Variants in DOK5 observed in about 807,000 individuals in gnomAD.
DOK5 encodes the protein downstream of tyrosine kinase 5.
A neutral mutation model predicts 43.3 loss-of-function variants in DOK5; 27 were observed. That is an observed-to-expected ratio of 0.62 (90% CI 0.46 to 0.86). The LOEUF (loss-of-function observed/expected upper bound fraction) is 0.86, where lower values mean the gene tolerates loss of function less well. Among genes scored for constraint, DOK5 ranks in the 40% least tolerant of loss-of-function variants. The pLI is 0.00. For synonymous variants in DOK5, 146 were observed against 140.1 expected (o/e 1.04, Z -0.30); for missense variants, 373 against 392.9 (o/e 0.95, Z 0.43).
chr20:54,487,736 A>G (rs1981995547), intron 1 of DOK5, among the ~76,000 whole-genome samples: 1 of 152,172 alleles, frequency 6.6e-6, no homozygotes, highest in African/African-American at 2.4e-5. Flanking sequence ...CTCTTACAAG[A>G]CTTTCCTCTG....
intron 1 of DOK5, among the ~76,000 whole-genome samples, chr20:54,523,211 C>A (rs983727505): frequency 6.6e-6 from 1 of 152,124 alleles, no homozygotes; most frequent in Non-Finnish European, 1.5e-5. Flanking sequence ...TCAAACTTGG[C>A]CTCTTTGAGG....
chr20:54,585,305 C>CG (rs1166191426), intron 2 of DOK5, among the ~76,000 whole-genome samples: 1 of 152,048 alleles, frequency 6.6e-6, no homozygotes, highest in Non-Finnish European at 1.5e-5. Context: ...TTCTCCTGAG[C>CG]GGGGGTGTTC....
intron 7 of DOK5, among the ~76,000 whole-genome samples, chr20:54,644,866 C>T (rs1439743402): frequency 2.8e-5 from 3 of 105,670 alleles, no homozygotes; most frequent in Admixed American, 9.4e-5. Flanking sequence ...AAAACTCCAT[C>T]TCAAAAAAAA....
intron 5 of DOK5, 100 bp downstream of exon 5, chr20:54,591,905 G>A (rs1600722281): frequency 2.0e-6 from 2 of 1,022,620 alleles, no homozygotes; most frequent in Non-Finnish European, 2.8e-6. Flanking sequence ...TTACATATGA[G>A]ATCCAGCTGA....
At chr20:54,556,527 T>C (rs1450305838) in intron 2 of DOK5, among the ~76,000 whole-genome samples, 2 of 152,234 alleles carry the variant, frequency 1.3e-5, no homozygotes, top group African/African-American at 4.8e-5. Context: ...ACCAGATGTA[T>C]TATGGCCCAG....
intron 1 of DOK5, among the ~76,000 whole-genome samples, chr20:54,512,803 C>T (rs958444693): frequency 1.2e-4 from 19 of 152,072 alleles, no homozygotes; most frequent in South Asian, 4.1e-4. Flanking sequence ...CACCAGAGCA[C>T]GTGGCAGCTG....
At chr20:54,504,619 G>A (rs558045797) in intron 1 of DOK5, among the ~76,000 whole-genome samples, 102 of 152,328 alleles carry the variant, frequency 6.7e-4, no homozygotes, top group South Asian at 2.7e-3. Context: ...ATACAGGGGT[G>A]ATTGGAGATG....
chr20:54,571,684 C>A (rs1188097420), intron 2 of DOK5, among the ~76,000 whole-genome samples: 1 of 152,196 alleles, frequency 6.6e-6, no homozygotes, highest in Admixed American at 6.5e-5. Flanking sequence ...CCTGTGGAAT[C>A]ATCTTTCTAG....
chr20:54,483,411 C>T (rs1380530306), intron 1 of DOK5, among the ~76,000 whole-genome samples: 1 of 152,110 alleles, frequency 6.6e-6, no homozygotes, highest in Non-Finnish European at 1.5e-5. Flanking sequence ...GTGTTAACCA[C>T]CTTAAATAAG....
chr20:54,570,630 T>C (rs1476679612), intron 2 of DOK5, among the ~76,000 whole-genome samples: 2 of 152,118 alleles, frequency 1.3e-5, no homozygotes, highest in Non-Finnish European at 2.9e-5. Context: ...AAGGGAAAAA[T>C]TGGAAATCTG....
At chr20:54,506,643 G>C (rs945669922) in intron 1 of DOK5, among the ~76,000 whole-genome samples, 7 of 152,098 alleles carry the variant, frequency 4.6e-5, no homozygotes, top group Admixed American at 4.6e-4. Flanking sequence ...CAAACTTCTT[G>C]TAGAGGCGGA....
At position 54,647,509 on chromosome 20, in the gene DOK5, TA is replaced by T. The variant is rs747478559; in HGVS notation, c.857-2892del. 7.5e-4 allele frequency among the ~76,000 whole-genome samples: 96 copies of T among 127,688 alleles called. 1 individual carries two copies. Among genetic ancestry groups the T allele is most frequent in the South Asian group, 3.7e-3 (14 of 3,810 alleles). The allele number at this position is 127,688 out of a possible 152,430, so 83.8% of individuals were successfully genotyped here. On this transcript the variant is annotated intron_variant, in intron 7 of 7. Transcript: ENST00000262593. ...AACAAGAGTGAAACTCTGTCTCAGT[TA>T]AAAAAAAAAAAAACAAAAAAACTAT...
chr20:54,549,726 T>C (rs1307031967), intron 1 of DOK5, among the ~76,000 whole-genome samples: 5 of 152,158 alleles, frequency 3.3e-5, no homozygotes, highest in Non-Finnish European at 7.3e-5. Context: ...GTCTGAAAAC[T>C]GAGGGATAGT....
At chr20:54,635,279 C>T (rs865797120) in intron 6 of DOK5, among the ~76,000 whole-genome samples, 2 of 152,170 alleles carry the variant, frequency 1.3e-5, no homozygotes, top group Non-Finnish European at 2.9e-5. Context: ...GCAAAGCTGT[C>T]TCTTGTGGGG....
intron 4 of DOK5, among the ~76,000 whole-genome samples, chr20:54,591,401 G>C (rs745863790): frequency 5.9e-5 from 9 of 152,148 alleles, no homozygotes; most frequent in Non-Finnish European, 1.3e-4. Context: ...AGTGTATGTT[G>C]ACAGGCTGTA....
chr20:54,620,984 G>A (rs1179084698), intron 6 of DOK5, among the ~76,000 whole-genome samples: 1 of 152,206 alleles, frequency 6.6e-6, no homozygotes, highest in Admixed American at 6.5e-5. Flanking sequence ...AGAATTACAT[G>A]AGGCAGCTAA....
chr20:54,565,874 C>T (rs749336177), intron 2 of DOK5, among the ~76,000 whole-genome samples: 9 of 151,888 alleles, frequency 5.9e-5, no homozygotes, highest in Non-Finnish European at 8.8e-5. Context: ...AAAAATTAGC[C>T]GGGCGTGGTG....
At chr20:54,478,542 A>G (rs941677463) in intron 1 of DOK5, among the ~76,000 whole-genome samples, 10 of 152,228 alleles carry the variant, frequency 6.6e-5, no homozygotes, top group African/African-American at 2.4e-4. Context: ...GAACTAATAC[A>G]ACAGCATTTA....
chr20:54,629,940 G>T (rs1283762230), intron 6 of DOK5, among the ~76,000 whole-genome samples: 2 of 152,218 alleles, frequency 1.3e-5, no homozygotes, highest in Non-Finnish European at 2.9e-5. Flanking sequence ...GAGGAGAAGA[G>T]CATAGCAGGT....
Sources: allele counts gnomAD v4.1 joint callset (sites outside exome capture counted in the v4.1 genomes callset), GRCh38; gene constraint gnomAD v4.1.1; transcripts MANE v1.5; gene names NCBI Gene and HGNC (gene_info 2026-07-23, HGNC 2026-07-21).